DLGAP2: variants seen among roughly 807,000 people sequenced by gnomAD.
DLGAP2 encodes disks large-associated protein 2.
Under a neutral mutation model 100.3 loss-of-function variants are expected in DLGAP2, and 26 were observed. That is an observed-to-expected ratio of 0.26 (90% CI 0.19 to 0.36). The LOEUF (loss-of-function observed/expected upper bound fraction) is 0.36. Among genes scored for constraint, DLGAP2 ranks in the 10% least tolerant of loss-of-function variants. The pLI, the probability that DLGAP2 is intolerant of heterozygous loss-of-function variation, is 1.00. For missense variants in DLGAP2, 1,858 were observed against 1,453.2 expected (o/e 1.28, Z -4.53); for synonymous variants, 886 against 630.1 (o/e 1.41, Z -6.08).
At chr8:1,470,752 C>CAGCCTTTT (rs1798759959) in intron 3 of DLGAP2, among the ~76,000 whole-genome samples, 3 of 9,992 alleles carry the variant, frequency 3.0e-4, no homozygotes, top group Admixed American at 2.3e-3. Context: ...CGACTCCTTC[C>CAGCCTTTT]CCGACTCCTC....
At position 1,588,274 on chromosome 8, in the gene DLGAP2, G is replaced by A. The variant is rs114915744; in HGVS notation, c.1442+22380G>A. ...AATGGCTATTGAAGGTGCGACCTTC[G>A]AGATTCCAGAGAATGTACTGAATGA... On this transcript the variant is annotated intron_variant, in intron 6 of 14. Coordinates refer to ENST00000637795, the MANE Select transcript of DLGAP2 (RefSeq NM_001346810.2). Among the ~76,000 whole-genome samples the A allele has an allele frequency of 3.5e-4, 54 of 152,140 alleles. 1 individual carries two copies. Among genetic ancestry groups the A allele is most frequent in the African/African-American group, 1.3e-3 (53 of 41,504 alleles).
intron 2 of DLGAP2, among the ~76,000 whole-genome samples, chr8:1,157,584 A>C (rs1313466900): frequency 1.3e-5 from 2 of 152,198 alleles, no homozygotes; most frequent in Non-Finnish European, 2.9e-5. Context: ...GAGCAAGACC[A>C]GCCAACGGTG....
At chr8:1,409,416 G>A (rs1019968416) in intron 3 of DLGAP2, among the ~76,000 whole-genome samples, 4 of 152,248 alleles carry the variant, frequency 2.6e-5, no homozygotes, top group Non-Finnish European at 5.9e-5. Flanking sequence ...GCACAGAATT[G>A]TCTAGACCAG....
chr8:826,794 G>A (rs903851999), intron 1 of DLGAP2, among the ~76,000 whole-genome samples: 3 of 152,166 alleles, frequency 2.0e-5, no homozygotes, highest in Non-Finnish European at 2.9e-5. Flanking sequence ...TCCCAGCTAC[G>A]TTTGGGATTT....
At position 1,668,406 on chromosome 8, in the gene DLGAP2, A is replaced by G. The variant is rs377576966; in HGVS notation, c.1888A>G (p.Thr630Ala). The G allele has an allele frequency of 1.9e-6, 3 of 1,600,920 alleles. No individual in the cohort carries two copies. The highest frequency in any genetic ancestry group is 3.4e-5 in the Admixed American group (2 of 58,160). The change falls in exon 9 of 15, where the codon ACG (threonine) becomes GCG (alanine). Residue 630 changes from threonine (T) to alanine (A), a missense_variant. Coordinates refer to ENST00000637795, the MANE Select transcript of DLGAP2 (RefSeq NM_001346810.2). ...CACCTCCAAGCCTCTGATCTCGGTG[A>G]CGGCGCAGAGCAGCACCGAATCCAC... ...RTTSKPLISV[T>A]AQSSTESTQD...
chr8:804,600 G>A (rs773097675), intron 1 of DLGAP2, among the ~76,000 whole-genome samples: 3 of 152,200 alleles, frequency 2.0e-5, no homozygotes, highest in Non-Finnish European at 4.4e-5. Context: ...TGGCTAAGCT[G>A]CCTGTACTTT....
chr8:965,901 G>C, intron 2 of DLGAP2, among the ~76,000 whole-genome samples: 1 of 152,146 alleles, frequency 6.6e-6, no homozygotes, highest in East Asian at 1.9e-4. Context: ...ACCGCATGTG[G>C]CTCCTGAGCC....
At chr8:1,675,054 C>G (rs1378441386) in intron 10 of DLGAP2, among the ~76,000 whole-genome samples, 1 of 152,208 alleles carries the variant, frequency 6.6e-6, no homozygotes, top group African/African-American at 2.4e-5. Context: ...GTTCTTCCTC[C>G]TGTAGCCCGT....
intron 3 of DLGAP2, among the ~76,000 whole-genome samples, chr8:1,333,182 G>A (rs978291246): frequency 3.3e-5 from 5 of 152,130 alleles, no homozygotes; most frequent in African/African-American, 1.2e-4. Flanking sequence ...AGAAGCCTCC[G>A]CAGACTGTCT....
At chr8:1,159,117 C>T (rs185179509) in intron 2 of DLGAP2, among the ~76,000 whole-genome samples, 2 of 152,314 alleles carry the variant, frequency 1.3e-5, no homozygotes, top group East Asian at 1.9e-4. Context: ...GGTCATTTGA[C>T]ACCTTTAAGG....
At chr8:1,064,404 G>A (rs374923581) in intron 2 of DLGAP2, among the ~76,000 whole-genome samples, 1 of 152,126 alleles carries the variant, frequency 6.6e-6, no homozygotes, top group African/African-American at 2.4e-5. Flanking sequence ...GTGCTGTTTG[G>A]GGATGTTGTA....
intron 3 of DLGAP2, among the ~76,000 whole-genome samples, chr8:1,264,679 A>T (rs908724063): frequency 1.3e-5 from 2 of 152,174 alleles, no homozygotes; most frequent in Non-Finnish European, 2.9e-5. Flanking sequence ...GGACTTCTCC[A>T]CTATAAAATA....
chr8:1,235,589 TCTCTC>T (rs1180219038), intron 2 of DLGAP2, among the ~76,000 whole-genome samples: 8 of 122,146 alleles, frequency 6.5e-5, no homozygotes, highest in African/African-American at 1.7e-4. Context: ...CATGTCTAGT[TCTCTC>T]ACATGGTGCC....
At position 1,263,865 on chromosome 8, in the gene DLGAP2, C is replaced by T. The variant is rs534069029; in HGVS notation, c.106+4982C>T. ...ATTGAATGCTTTGTATAAAAATGAT[C>T]TTTTCTGATTGCTATTTGTGGTTTT... is the stretch of plus-strand genomic sequence containing the variant. On this transcript the variant is annotated intron_variant, in intron 3 of 14. Coordinates refer to ENST00000637795, the MANE Select transcript of DLGAP2 (RefSeq NM_001346810.2). Among the ~76,000 whole-genome samples, 6 of 152,240 alleles carry T rather than the reference C, an allele frequency of 3.9e-5. No individual in the cohort carries two copies. The South Asian group carries it at 1.0e-3, about 26-fold the overall frequency.
intron 2 of DLGAP2, among the ~76,000 whole-genome samples, chr8:1,000,822 C>T (rs1158480273): frequency 6.6e-6 from 1 of 152,134 alleles, no homozygotes; most frequent in Non-Finnish European, 1.5e-5. Flanking sequence ...CTGTGGATGG[C>T]CTGCTTCTCT....
At chr8:813,535 A>C (rs557211128) in intron 1 of DLGAP2, among the ~76,000 whole-genome samples, 4 of 152,264 alleles carry the variant, frequency 2.6e-5, no homozygotes, top group African/African-American at 9.6e-5. Flanking sequence ...GATTTCTTCA[A>C]ACCTATTCTT....
chr8:1,161,321 G>A (rs993630222), intron 2 of DLGAP2, among the ~76,000 whole-genome samples: 1 of 152,188 alleles, frequency 6.6e-6, no homozygotes, highest in Non-Finnish European at 1.5e-5. Context: ...TGTAGGAAAG[G>A]AGATGGTAAG....
At chr8:1,650,217 C>T (rs1303816980) in intron 8 of DLGAP2, among the ~76,000 whole-genome samples, 3 of 152,108 alleles carry the variant, frequency 2.0e-5, no homozygotes, top group Non-Finnish European at 4.4e-5. Context: ...TATTTGGTAC[C>T]TGATGTGTAT....
chr8:1,156,104 T>A (rs1209571860), intron 2 of DLGAP2, among the ~76,000 whole-genome samples: 2 of 152,134 alleles, frequency 1.3e-5, no homozygotes, highest in African/African-American at 4.8e-5. Flanking sequence ...AGCCGAGCCC[T>A]GTTTCAGGGG....
Sources: gnomAD v4.1 joint callset for allele counts (sites outside exome capture counted in the v4.1 genomes callset) on GRCh38, gnomAD v4.1.1 for gene constraint, MANE v1.5 for transcripts, NCBI Gene and HGNC (gene_info 2026-07-23, HGNC 2026-07-21) for gene names.